The following BLTP1 variants were observed in gnomAD, a reference collection of about 807,000 sequenced individuals.
BLTP1 encodes fragile site-associated protein.
At chr4:122,352,996 G>A in the BLTP1 span, 1 of 1,614,034 alleles carries the variant, frequency 6.2e-7, no homozygotes, top group Non-Finnish European at 8.5e-7. Context: ...ATTACCAGAA[G>A]ATGGAATGCA....
chr4:122,336,156 AT>A, the BLTP1 span: 1 of 1,522,998 alleles, frequency 6.6e-7, no homozygotes, highest in South Asian at 1.3e-5. Flanking sequence ...GGAACTTTTT[AT>A]AAAATCCATT....
At chr4:122,207,606 C>A in the BLTP1 span, 1 of 1,598,368 alleles carries the variant, frequency 6.3e-7, no homozygotes, top group Non-Finnish European at 8.5e-7. Flanking sequence ...GGACTTTGTT[C>A]CAGCTACATG....
At chr4:122,201,006 C>T in the BLTP1 span, 1 of 1,607,726 alleles carries the variant, frequency 6.2e-7, no homozygotes, top group Non-Finnish European at 8.5e-7. Context: ...ATTTGTTTTG[C>T]AGTTCCACAT....
chr4:122,346,404 G>T, the BLTP1 span: 13 of 938,680 alleles, frequency 1.4e-5, no homozygotes, highest in Non-Finnish European at 1.7e-5. Context: ...TCATGATAAA[G>T]TGATAATAGA....
chr4:122,244,128 TTATAAG>T, the BLTP1 span: 82 of 1,289,090 alleles, frequency 6.4e-5, 1 homozygote, highest in South Asian at 1.2e-4. Context: ...TTGTTGATAG[TTATAAG>T]TATATGTGAT....
the BLTP1 span, chr4:122,156,153 C>T: frequency 3.1e-5 from 5 of 161,844 alleles, no homozygotes; most frequent in Non-Finnish European, 6.5e-5. Flanking sequence ...CTGAGGCATC[C>T]GTGACTTCTA....
chr4:122,314,112 C>T, the BLTP1 span: 1 of 984,424 alleles, frequency 1.0e-6, no homozygotes, highest in Non-Finnish European at 1.2e-6. Context: ...GAGAAAACTT[C>T]ATGGAGGGAC....
chr4:122,155,894 G>T, the BLTP1 span: 1 of 383,602 alleles, frequency 2.6e-6, no homozygotes, highest in Non-Finnish European at 3.6e-6. Flanking sequence ...GGATTTAATA[G>T]ATGTAAAGAG....
chr4:122,259,192 C>G, the BLTP1 span, among the ~76,000 whole-genome samples: 1 of 152,078 alleles, frequency 6.6e-6, no homozygotes, highest in South Asian at 2.1e-4. Flanking sequence ...TTGGGTTAGA[C>G]TGTTTTATGA....
the BLTP1 span, chr4:122,174,872 A>AAGAT: frequency 1.1e-5 from 3 of 272,910 alleles, no homozygotes; most frequent in Non-Finnish European, 1.7e-5. Context: ...ATAGAAATGA[A>AAGAT]TAATCTTTCA....
chr4:122,197,455 G>A, the BLTP1 span: 30 of 833,454 alleles, frequency 3.6e-5, no homozygotes, highest in Admixed American at 1.6e-3. Flanking sequence ...TAGAGAAAAG[G>A]GAAACCTTTT....
At chr4:122,322,850 A>T in the BLTP1 span, among the ~76,000 whole-genome samples, 1 of 152,054 alleles carries the variant, frequency 6.6e-6, no homozygotes, top group Non-Finnish European at 1.5e-5. Flanking sequence ...TGGTTAGCTA[A>T]TTTCTCCTAA....
At chr4:122,361,946 A>C in the BLTP1 span, 1 of 1,476,686 alleles carries the variant, frequency 6.8e-7, no homozygotes, top group Non-Finnish European at 9.0e-7. Context: ...TATATTATAG[A>C]GGCTTAGTGA....
At chr4:122,349,124 C>T in the BLTP1 span, 5 of 1,556,620 alleles carry the variant, frequency 3.2e-6, no homozygotes, top group South Asian at 6.1e-5. The surrounding 1 kb of genome is among the most constrained non-coding windows in gnomAD (Gnocchi z 4.5). Flanking sequence ...ACACTGGAAG[C>T]TATATATATA....
chr4:122,283,081 G>A, the BLTP1 span, among the ~76,000 whole-genome samples: 1 of 151,892 alleles, frequency 6.6e-6, no homozygotes, highest in South Asian at 2.1e-4. Flanking sequence ...TATTTTTCCT[G>A]TATGATGTGT....
At chr4:122,162,927 C>A in the BLTP1 span, among the ~76,000 whole-genome samples, 1 of 152,160 alleles carries the variant, frequency 6.6e-6, no homozygotes, top group Non-Finnish European at 1.5e-5. Flanking sequence ...AAATGTTCCT[C>A]TTTCTATCAA....
chr4:122,276,921 G>T, the BLTP1 span: 2 of 985,258 alleles, frequency 2.0e-6, no homozygotes, highest in Non-Finnish European at 2.4e-6. Flanking sequence ...GTGATGAACT[G>T]GTTCTTCATA....
chr4:122,262,072 T>A, the BLTP1 span: 1 of 873,564 alleles, frequency 1.1e-6, no homozygotes, highest in Non-Finnish European at 1.4e-6. Flanking sequence ...TTGCTGAAGA[T>A]AGATAGCTTT....
the BLTP1 span, chr4:122,250,247 C>A: frequency 1.8e-6 from 2 of 1,119,014 alleles, no homozygotes; most frequent in Non-Finnish European, 1.2e-6. Flanking sequence ...TAGATTAGGG[C>A]AAAGACTTGG....
Sources: gnomAD v4.1 joint callset for allele counts (sites outside exome capture counted in the v4.1 genomes callset) on GRCh38, gnomAD v4.1.1 for gene constraint, Gnocchi (gnomAD v3.1) non-coding constraint, MANE v1.5 for transcripts, NCBI Gene and HGNC (gene_info 2026-07-23, HGNC 2026-07-21) for gene names.